TMPRSS6: variants seen among roughly 807,000 people sequenced by gnomAD.
TMPRSS6 encodes the protein transmembrane protease serine 6.
TMPRSS6 carries 67 observed loss-of-function variants against 101.5 expected under a neutral mutation model. The ratio of observed to expected loss-of-function variants is 0.66; its 90% CI spans 0.54 to 0.81. The LOEUF (loss-of-function observed/expected upper bound fraction) is 0.81, where lower values mean the gene tolerates loss of function less well. Ranked by LOEUF, TMPRSS6 falls within the 30% of genes least tolerant of loss-of-function variation. TMPRSS6 has a pLI of 0.00. For missense variants in TMPRSS6, 1,034 were observed against 1,088.7 expected (o/e 0.95, Z 0.71); for synonymous variants, 453 against 464.9 (o/e 0.97, Z 0.33).
In TMPRSS6 at chr22:37,069,351, T is replaced by C. The variant is rs778897302; in HGVS notation, c.1842-7A>G. ...CAGCACCGTGGAGGCCATGCTGGGG[T>C]GGGGTGGGGTGGGGTGGGGTGGGGT... is the stretch of plus-strand genomic sequence containing the variant. On this transcript the variant is annotated splice_region_variant and splice_polypyrimidine_tract_variant and intron_variant, in intron 15 of 17. Transcript: ENST00000676104. This position sits in a 1 kb window ranked among gnomAD's most constrained non-coding sequence, Gnocchi z 4.8. The C allele has an allele frequency of 2.4e-4, 30 of 126,946 alleles. No individual in the cohort carries two copies. The East Asian group carries it at 4.0e-3, about 17-fold the overall frequency. The allele number at this position is 126,946 out of a possible 1,614,324, so 7.9% of individuals were successfully genotyped here.
Position 37,089,521 on chromosome 22 carries a change from C to A in TMPRSS6, c.836+57G>T, listed in dbSNP as rs944696170. The A allele has an allele frequency of 4.7e-6, 7 of 1,503,376 alleles. No homozygotes were observed. In the African/African-American group the frequency reaches 9.7e-5, roughly 21 times the overall value. The allele number at this position is 1,503,376 out of a possible 1,614,324, so 93.1% of individuals were successfully genotyped here. A position where few individuals can be genotyped will look rare whatever the true frequency, so the allele number is the denominator to read the frequency against. ...AATGCTGTGTGTGACTTTCAACTCC[C>A]CCATCAACCACTCCCTTTTCCAGCC... On this transcript the variant is annotated intron_variant, in intron 7 of 17. Coordinates refer to ENST00000676104, the MANE Select transcript of TMPRSS6 (RefSeq NM_001374504.1).
At chr22:37,072,990 AGATGGATGATG>A (rs1239157917) in intron 13 of TMPRSS6, among the ~76,000 whole-genome samples, 2 of 96,680 alleles carry the variant, frequency 2.1e-5, no homozygotes, top group Non-Finnish European at 4.3e-5. Flanking sequence ...ATGGATGGAT[AGATGGATGATG>A]GATGGATGAT....
chr22:37,089,600 G>A lies in TMPRSS6; in HGVS notation c.814C>T (p.Leu272=). The A allele has an allele frequency of 1.3e-6, 2 of 1,495,546 alleles. No individual in the cohort carries two copies. Among genetic ancestry groups the A allele is most frequent in the Non-Finnish European group, 1.8e-6 (2 of 1,108,382 alleles). 92.6% of individuals were successfully genotyped at this position (1,495,546 alleles called of 1,614,324 possible). A position where few individuals can be genotyped will look rare whatever the true frequency, so the allele number is the denominator to read the frequency against. The part of the protein sequence containing the change: ...RLAMYDVAGP[L]EKRLITSVYG... ...CACGAGGTGATGAGCCTCTTCTCCA[G>A]GGGCCCGGCCACGTCATACATGGCC... Residue 272 remains leucine, a synonymous_variant, in exon 7 of 18, where the codon CTG becomes TTG. Transcript: ENST00000676104.
rs1323024929 is a variant in TMPRSS6 at position 37,097,686 on chromosome 22, GA to G, written c.336+729del. ...CCACCGTCCTGTAACGGAGGGGCAGGAGCGGGCCACCGTCTTGTAACAGAGG... is the reference window on the plus strand; with the variant it reads ...CCACCGTCCTGTAACGGAGGGGCAGGGCGGGCCACCGTCTTGTAACAGAGG... On this transcript the variant is annotated intron_variant, in intron 3 of 17. Coordinates refer to ENST00000676104, the MANE Select transcript of TMPRSS6 (RefSeq NM_001374504.1). Among the ~76,000 whole-genome samples, 8 of 148,000 alleles carry G rather than the reference GA, an allele frequency of 5.4e-5. 1 individual carries two copies. The highest frequency in any genetic ancestry group is 2.0e-4 in the African/African-American group (8 of 40,072).
Position 37,098,465 on chromosome 22 carries a change from C to T in TMPRSS6, c.287G>A (p.Arg96His), listed in dbSNP as rs768158521. The T allele has an allele frequency of 4.6e-5, 74 of 1,614,046 alleles. 1 individual carries two copies. The East Asian group carries it at 6.7e-4, about 15-fold the overall frequency. The change falls in exon 3 of 18, where the codon CGC (arginine) becomes CAC (histidine). Residue 96 changes from arginine to histidine, a missense_variant. By Grantham distance (29) the Arg-to-His change is conservative. Coordinates refer to ENST00000676104, the MANE Select transcript of TMPRSS6 (RefSeq NM_001374504.1). ...ACTGCGGAAGGCACTAGATTCCCGGCGGGTAAGATCCTGGGAGAAGTGGCG... is the reference window on the plus strand; with the variant it reads ...ACTGCGGAAGGCACTAGATTCCCGGTGGGTAAGATCCTGGGAGAAGTGGCG... Reference protein sequence around the residue: ...LNRHFSQDLTRRESSAFRSET... With the variant: ...LNRHFSQDLTHRESSAFRSET...
chr22:37,095,729 A>G lies in TMPRSS6; in HGVS notation c.590-137T>C, dbSNP rs532651033. ...GATTTACCCTAAATGCCCCCATCCCACCCTTCTTTCCTGGCTCCTTGAATG... is the reference window on the plus strand; with the variant it reads ...GATTTACCCTAAATGCCCCCATCCCGCCCTTCTTTCCTGGCTCCTTGAATG... On this transcript the variant is annotated intron_variant, in intron 5 of 17. Coordinates refer to ENST00000676104, the MANE Select transcript of TMPRSS6 (RefSeq NM_001374504.1). The G allele has an allele frequency of 1.2e-4, 151 of 1,226,910 alleles. 1 individual carries two copies. In the South Asian group the frequency reaches 1.9e-3, roughly 16 times the overall value. The allele number at this position is 1,226,910 out of a possible 1,614,324, so 76.0% of individuals were successfully genotyped here. A position where few individuals can be genotyped will look rare whatever the true frequency, so the allele number is the denominator to read the frequency against.
chr22:37,096,240 C>A, intron 4 of TMPRSS6, 150 bp from the exon 5 acceptor site: 1 of 877,018 alleles, frequency 1.1e-6, no homozygotes, highest in African/African-American at 1.7e-5. Flanking sequence ...CTGAAGGAGG[C>A]GCTCTCATAA....
In TMPRSS6 at chr22:37,075,121, C is replaced by T. The variant is rs970418094; in HGVS notation, c.1342+14G>A. 6.2e-7 allele frequency: 1 copy of T among 1,613,626 alleles called. No homozygotes were observed. Among genetic ancestry groups the T allele is most frequent in the African/African-American group, 1.3e-5 (1 of 74,946 alleles). ...GAGTCACTGCAGGGGGTTCCCCCGGCTGCCCATACTCACGGTCCGACTGGT... is the reference window on the plus strand; with the variant it reads ...GAGTCACTGCAGGGGGTTCCCCCGGTTGCCCATACTCACGGTCCGACTGGT... On this transcript the variant is annotated intron_variant, in intron 11 of 17. Coordinates refer to ENST00000676104, the MANE Select transcript of TMPRSS6 (RefSeq NM_001374504.1).
chr22:37,069,407 C>T lies in TMPRSS6; in HGVS notation c.1842-63G>A, dbSNP rs1220831667. ...GAGGTGGGAGGAAGCTGCCTCTCCC[C>T]ATCCAGGGACCCTCAAGATAGCCAG... On this transcript the variant is annotated intron_variant, in intron 15 of 17. Coordinates refer to ENST00000676104, the MANE Select transcript of TMPRSS6 (RefSeq NM_001374504.1). The surrounding 1 kb of genome is among the most constrained non-coding windows in gnomAD (Gnocchi z 4.8). 2.3e-5 allele frequency: 34 copies of T among 1,450,924 alleles called. No homozygotes were observed. Among genetic ancestry groups the T allele is most frequent in the Non-Finnish European group, 3.1e-5 (33 of 1,078,586 alleles). The allele number at this position is 1,450,924 out of a possible 1,614,324, so 89.9% of individuals were successfully genotyped here.
intron 10 of TMPRSS6, among the ~76,000 whole-genome samples, chr22:37,083,684 C>A (rs953487706): frequency 1.3e-5 from 2 of 152,242 alleles, no homozygotes; most frequent in Non-Finnish European, 2.9e-5. Flanking sequence ...AGCCTAACCC[C>A]ACTGTCTCTT....
intron 16 of TMPRSS6, 114 bp from the exon 17 acceptor site, chr22:37,067,076 C>T (rs1028516605): frequency 1.9e-5 from 28 of 1,493,452 alleles, no homozygotes; most frequent in Non-Finnish European, 2.4e-5. Context: ...CCTGCTCTGC[C>T]CACCCTTACC....
intron 12 of TMPRSS6, among the ~76,000 whole-genome samples, chr22:37,073,951 G>T (rs554592595): frequency 6.6e-6 from 1 of 152,220 alleles, no homozygotes; most frequent in South Asian, 2.1e-4. Context: ...GTTTCACCAT[G>T]TTGGCCAGGC....
intron 10 of TMPRSS6, among the ~76,000 whole-genome samples, chr22:37,080,542 T>G (rs1222068978): frequency 6.6e-6 from 1 of 152,272 alleles, no homozygotes; most frequent in Non-Finnish European, 1.5e-5. Context: ...CAACAAATGC[T>G]CATTCTAAGA....
At chr22:37,078,991 A>AAGAAAGAAAGAAAGAAAGAAAG (rs1928023063) in intron 10 of TMPRSS6, among the ~76,000 whole-genome samples, 1 of 149,168 alleles carries the variant, frequency 6.7e-6, no homozygotes, top group African/African-American at 2.6e-5. Context: ...GAAAGAAAGA[A>AAGAAAGAAAGAAAGAAAGAAAG]AGAAAGAAAG....
rs185725381 is a variant in TMPRSS6, at chr22:37,098,590, G to A, written c.203-41C>T. Reference sequence around the variant, plus strand: ...CCAGCAGGGTTAGTGGAGGAAGCAGGTGGGAAAGTCTCCTGTCTCTTCCAT... The same window carrying A: ...CCAGCAGGGTTAGTGGAGGAAGCAGATGGGAAAGTCTCCTGTCTCTTCCAT... On this transcript the variant is annotated intron_variant, in intron 2 of 17. Coordinates refer to ENST00000676104, the MANE Select transcript of TMPRSS6 (RefSeq NM_001374504.1). 513 of 1,613,948 alleles carry A rather than the reference G, an allele frequency of 3.2e-4. 3 individuals carry two copies. The African/African-American group carries it at 6.4e-3, about 20-fold the overall frequency.
chr22:37,070,394 T>C (rs1926772013), intron 15 of TMPRSS6, 90 bp downstream of exon 15: 1 of 1,544,068 alleles, frequency 6.5e-7, no homozygotes, highest in Non-Finnish European at 8.9e-7. Context: ...CTTCCCTCTA[T>C]CTGCAAAGAG....
chr22:37,070,824 A>C (rs974947491), intron 14 of TMPRSS6, 92 bp downstream of exon 14: 6 of 1,391,098 alleles, frequency 4.3e-6, no homozygotes, highest in Non-Finnish European at 5.1e-6. Flanking sequence ...GAGAGAGACC[A>C]GGGGACAACA....
chr22:37,073,571 C>G lies in TMPRSS6; in HGVS notation c.1516G>C (p.Asp506His), dbSNP rs1329308460. 2 of 1,614,024 alleles carry G rather than the reference C, an allele frequency of 1.2e-6. No individual in the cohort carries two copies. Among genetic ancestry groups the G allele is most frequent in the Non-Finnish European group, 1.7e-6 (2 of 1,179,998 alleles). Residue 506 changes from aspartate (D) to histidine (H), a missense_variant, in exon 13 of 18, where the codon GAT becomes CAT. Asp to His is a moderately conservative substitution (Grantham distance 81, BLOSUM62 -1). Coordinates refer to ENST00000676104, the MANE Select transcript of TMPRSS6 (RefSeq NM_001374504.1). The part of the protein sequence containing the change: ...SLPKVCDGQP[D>H]CLNGSDEEQC... Reference sequence around the variant, plus strand: ...TCTTCGTCGCTGCCGTTGAGACAATCAGGCTGCCCATCACAGACCTTGGGC... The same window carrying G: ...TCTTCGTCGCTGCCGTTGAGACAATGAGGCTGCCCATCACAGACCTTGGGC...
chr22:37,083,781 C>T (rs945634807), intron 10 of TMPRSS6, among the ~76,000 whole-genome samples: 1 of 152,226 alleles, frequency 6.6e-6, no homozygotes. Flanking sequence ...AGGGCAAGTG[C>T]CCCGTTGGGG....
Sources: gnomAD v4.1 joint callset for allele counts (sites outside exome capture counted in the v4.1 genomes callset) on GRCh38, gnomAD v4.1.1 for gene constraint, Gnocchi (gnomAD v3.1) non-coding constraint, MANE v1.5 for transcripts, NCBI Gene and HGNC (gene_info 2026-07-23, HGNC 2026-07-21) for gene names.